The following LSR variants were observed in gnomAD, a reference collection of about 807,000 sequenced individuals.
LSR encodes the protein lipolysis stimulated lipoprotein receptor.
A neutral mutation model predicts 61.8 loss-of-function variants in LSR; 44 were observed. That is an observed-to-expected ratio of 0.71 (90% CI 0.56 to 0.91). The LOEUF is 0.91. LSR is among the 40% of genes least tolerant of loss of function. LSR has a pLI of 0.00. For synonymous variants in LSR, 397 were observed against 350.6 expected (o/e 1.13, Z -1.48); for missense variants, 911 against 830.5 (o/e 1.10, Z -1.19).
rs1369588875 is a variant in LSR, at chr19:35,249,130, A to AGGTACGG, written c.109+2_109+8dup. Reference sequence around the variant, plus strand: ...GGCTTCTGCTTAGCACCTGGTGCACAGGTACGGGGCACGGGGCCTCTGACG... The same window carrying AGGTACGG: ...GGCTTCTGCTTAGCACCTGGTGCACAGGTACGGGGTACGGGGCACGGGGCCTCTGACG... On this transcript the variant is annotated frameshift_variant and splice_region_variant, in exon 1 of 10. Transcript: ENST00000605618. LOFTEE classifies it high-confidence loss of function. The AGGTACGG allele has an allele frequency of 6.5e-7, 1 of 1,537,300 alleles. No individual in the cohort carries two copies.
chr19:35,258,924 C>A (rs768680230), intron 2 of LSR, 21 bp from the exon 3 acceptor site: 2 of 1,613,422 alleles, frequency 1.2e-6, no homozygotes, highest in Non-Finnish European at 1.7e-6. Flanking sequence ...GGTGCCCTCA[C>A]GCCTTTTCAT....
At chr19:35,263,020 C>G (rs1286344802) in intron 5 of LSR, 1 of 229,360 alleles carries the variant, frequency 4.4e-6, no homozygotes, top group Non-Finnish European at 8.5e-6. Context: ...GTGATTACGC[C>G]TGTAATCCCA....
In LSR at chr19:35,267,933, C is replaced by A; in HGVS notation, c.*74C>A. Reference sequence around the variant, plus strand: ...AACACTGATGAAGCCCTGCCATACCCCTCCCGAGTCTAATAAAACGTATAA... The same window carrying A: ...AACACTGATGAAGCCCTGCCATACCACTCCCGAGTCTAATAAAACGTATAA... On this transcript the variant is annotated 3_prime_UTR_variant, in exon 10 of 10. Coordinates refer to ENST00000605618, the MANE Select transcript of LSR (RefSeq NM_205834.4). 6.6e-7 allele frequency: 1 copy of A among 1,506,782 alleles called. No homozygotes were observed. The highest frequency in any genetic ancestry group is 9.2e-7 in the Non-Finnish European group (1 of 1,087,192). 93.3% of individuals were successfully genotyped at this position (1,506,782 alleles called of 1,614,324 possible). A position where few individuals can be genotyped will look rare whatever the true frequency, so the allele number is the denominator to read the frequency against.
At chr19:35,258,863 T>C (rs1248310354) in intron 2 of LSR, 82 bp from the exon 3 acceptor site, 2 of 1,572,496 alleles carry the variant, frequency 1.3e-6, no homozygotes, top group Non-Finnish European at 1.7e-6. Context: ...CTCCTGGGTG[T>C]GCTGGGAAGG....
rs754851086 is a variant in LSR at position 35,267,540 on chromosome 19, C to T, written c.1576C>T (p.Pro526Ser). ...GTCCCACCACCACCGTACCCGGGAC[C>T]CTCGGGACAACGGCTCCAGGTCCGG... ...PRSHHHRTRDPRDNGSRSGDL... is the reference protein window; with the variant it reads ...PRSHHHRTRDSRDNGSRSGDL... Residue 526 changes from proline (P) to serine (S), a missense_variant, in exon 9 of 10, where the codon CCT becomes TCT. Physicochemically the swap from Pro to Ser is moderately conservative, Grantham distance 74. Coordinates refer to ENST00000605618, the MANE Select transcript of LSR (RefSeq NM_205834.4). 3.5e-5 allele frequency: 57 copies of T among 1,612,198 alleles called. No individual in the cohort carries two copies. In the Middle Eastern group the frequency reaches 4.9e-4, roughly 14 times the overall value.
rs2065774454 is a variant in LSR at position 35,250,323 on chromosome 19, A to G, written c.118A>G (p.Arg40Gly). 6.5e-7 allele frequency: 1 copy of G among 1,544,244 alleles called. No individual in the cohort carries two copies. The highest frequency in any genetic ancestry group is 8.8e-7 in the Non-Finnish European group (1 of 1,138,132). The change falls in exon 2 of 10, where the codon AGG (arginine) becomes GGG (glycine). Residue 40 changes from arginine (R) to glycine (G), a missense_variant. Arg to Gly is a moderately radical substitution (Grantham distance 125, BLOSUM62 -2). Transcript: ENST00000605618. ...TCTCCTCTTGCCCTCAGCTCCTGCC[A>G]GGGCCATCCAGGTGACCGTGTCCAA... ...LLSTWCTAPA[R>G]AIQVTVSNPY...
chr19:35,260,040 G>A (rs1008692366), intron 3 of LSR, among the ~76,000 whole-genome samples: 1 of 152,070 alleles, frequency 6.6e-6, no homozygotes, highest in African/African-American at 2.4e-5. Context: ...ATGAGCACGT[G>A]ACTGGGGGGT....
chr19:35,253,262 G>C (rs2065817772), intron 2 of LSR: 1 of 152,270 alleles, frequency 6.6e-6, no homozygotes, highest in Non-Finnish European at 1.5e-5. Flanking sequence ...GAAGGTTGCG[G>C]TGCGCCAAGA....
At chr19:35,254,713 C>T (rs1414988259) in intron 2 of LSR, among the ~76,000 whole-genome samples, 1 of 152,056 alleles carries the variant, frequency 6.6e-6, no homozygotes, top group Non-Finnish European at 1.5e-5. Context: ...GACCTGGCAT[C>T]TTCTCCCCGA....
At chr19:35,264,343 T>C (rs1315508994) in intron 5 of LSR, 1 of 152,022 alleles carries the variant, frequency 6.6e-6, no homozygotes, top group East Asian at 1.9e-4. Flanking sequence ...GAGTCAGACA[T>C]GTGCAATTGA....
At chr19:35,259,715 A>C (rs961705496) in intron 3 of LSR, among the ~76,000 whole-genome samples, 6 of 151,702 alleles carry the variant, frequency 4.0e-5, no homozygotes, top group Non-Finnish European at 7.4e-5. Context: ...AAATCGACCC[A>C]CCTCTTGCTA....
chr19:35,260,853 C>T (rs183414818), intron 3 of LSR, among the ~76,000 whole-genome samples: 18 of 152,144 alleles, frequency 1.2e-4, no homozygotes, highest in South Asian at 2.1e-4. Flanking sequence ...CACACACACA[C>T]ACGCATATAG....
intron 1 of LSR, 192 bp downstream of exon 1, chr19:35,249,323 C>G: frequency 1.6e-6 from 1 of 640,508 alleles, no homozygotes; most frequent in Non-Finnish European, 2.5e-6. Context: ...GGAGCGCTCC[C>G]CGCGCCCTTA....
At chr19:35,267,068 C>T (rs1188667426) in intron 8 of LSR, 41 bp from the exon 9 acceptor site, 7 of 1,529,932 alleles carry the variant, frequency 4.6e-6, no homozygotes, top group African/African-American at 1.4e-5. Context: ...CCCTGGACCC[C>T]GGGCTCCTCC....
chr19:35,257,854 G>A (rs559057019), intron 2 of LSR, among the ~76,000 whole-genome samples: 1 of 152,300 alleles, frequency 6.6e-6, no homozygotes, highest in Admixed American at 6.5e-5. Flanking sequence ...AGAGTTAACA[G>A]GCTCCTTGCC....
At chr19:35,250,269 T>C in intron 1 of LSR, 46 bp from the exon 2 acceptor site, 1 of 1,360,288 alleles carries the variant, frequency 7.4e-7, no homozygotes, top group South Asian at 1.5e-5. Flanking sequence ...TTGAAGCACC[T>C]CCCTGAGCTC....
intron 2 of LSR, among the ~76,000 whole-genome samples, chr19:35,253,062 G>A (rs961552681): frequency 6.6e-6 from 1 of 151,772 alleles, no homozygotes; most frequent in African/African-American, 2.4e-5. Context: ...GCTCACACCT[G>A]TAATCCCAGC....
chr19:35,251,896 G>A (rs1287749092), intron 2 of LSR, among the ~76,000 whole-genome samples: 2 of 137,492 alleles, frequency 1.5e-5, no homozygotes, highest in African/African-American at 5.4e-5. Context: ...GTGCAGTGGC[G>A]GGATCTCGGC....
At chr19:35,254,670 T>G (rs2065835427) in intron 2 of LSR, among the ~76,000 whole-genome samples, 1 of 151,996 alleles carries the variant, frequency 6.6e-6, no homozygotes, top group African/African-American at 2.4e-5. Flanking sequence ...AGGTTGGAGA[T>G]GTGGAGGAGG....
Sources: allele counts gnomAD v4.1 joint callset (sites outside exome capture counted in the v4.1 genomes callset), GRCh38; gene constraint gnomAD v4.1.1; transcripts MANE v1.5; gene names NCBI Gene and HGNC (gene_info 2026-07-23, HGNC 2026-07-21).